The following NPIPB2 variants were observed in gnomAD, a reference collection of about 807,000 sequenced individuals.
The protein encoded by NPIPB2 is nuclear pore complex-interacting protein family member B2.
A neutral mutation model predicts 30.8 loss-of-function variants in NPIPB2; 27 were observed. The ratio of observed to expected loss-of-function variants is 0.88; its 90% CI spans 0.65 to 1.21. The LOEUF (loss-of-function observed/expected upper bound fraction) is 1.21. Ranked by LOEUF, NPIPB2 falls within the 50% of genes most tolerant of loss-of-function variation. The pLI, the probability that NPIPB2 is intolerant of heterozygous loss-of-function variation, is 0.00. For synonymous variants in NPIPB2, 147 were observed against 162.0 expected, an observed-to-expected ratio of 0.91 and a Z score of 0.70; for missense variants, 440 against 446.2, an observed-to-expected ratio of 0.99 and a Z score of 0.13.
At chr16:11,967,858 C>T (rs768823161) in intron 1 of NPIPB2, 23 of 1,610,406 alleles carry the variant, frequency 1.4e-5, no homozygotes, top group Admixed American at 3.4e-5. Context: ...TTAACCATTT[C>T]GACTCGAGCA....
chr16:11,937,883 G>A (rs1465522081), intron 1 of NPIPB2, among the ~76,000 whole-genome samples: 1 of 152,040 alleles, frequency 6.6e-6, no homozygotes, highest in Admixed American at 6.6e-5. Flanking sequence ...GCAAATGTGG[G>A]GTGTTGTCTT....
exon 1 of NPIPB2, chr16:11,941,993 T>G (rs1224006599): frequency 8.4e-7 from 1 of 1,195,618 alleles, no homozygotes; most frequent in Non-Finnish European, 1.2e-6. Flanking sequence ...CCAAGCAGAG[T>G]GCCAGGTTTT....
chr16:11,966,329 T>A (rs752937332), intron 1 of NPIPB2: 3 of 1,612,156 alleles, frequency 1.9e-6, no homozygotes, highest in Non-Finnish European at 2.5e-6. Context: ...AAAGGACGAG[T>A]TTAAAAACAC....
chr16:11,976,459 C>T, intron 1 of NPIPB2: 1 of 300,660 alleles, frequency 3.3e-6, no homozygotes, highest in Non-Finnish European at 6.1e-6. Context: ...CGCTCGCATC[C>T]CTCTCTGGGA....
At chr16:11,961,499 G>A (rs985459439) in intron 1 of NPIPB2, among the ~76,000 whole-genome samples, 6 of 152,088 alleles carry the variant, frequency 3.9e-5, no homozygotes, top group African/African-American at 1.4e-4. Flanking sequence ...ACAAAAAGAG[G>A]CCAGGCGCAG....
chr16:11,973,187 CTCTAT>C (rs2055246709), intron 1 of NPIPB2, among the ~76,000 whole-genome samples: 2 of 143,262 alleles, frequency 1.4e-5, no homozygotes, highest in Non-Finnish European at 3.0e-5. Context: ...AAAAAAAAGA[CTCTAT>C]TCTATCAGTA....
intron 1 of NPIPB2, among the ~76,000 whole-genome samples, chr16:11,956,411 C>T (rs560267453): frequency 4.9e-4 from 75 of 152,332 alleles, no homozygotes; most frequent in Middle Eastern, 3.4e-3. Context: ...AGCAGTGGCT[C>T]ACGCCTGTAA....
intron 1 of NPIPB2, among the ~76,000 whole-genome samples, chr16:11,975,485 G>A (rs2055279522): frequency 6.6e-6 from 1 of 151,980 alleles, no homozygotes; most frequent in South Asian, 2.1e-4. Context: ...CACCACTGTA[G>A]ACAGGCACCA....
chr16:11,941,026 A>G, intron 1 of NPIPB2: 2 of 785,684 alleles, frequency 2.5e-6, no homozygotes, highest in South Asian at 1.6e-5. Flanking sequence ...TGCCCTGGCT[A>G]GTCTTCAACT....
intron 1 of NPIPB2, among the ~76,000 whole-genome samples, chr16:11,972,701 C>G (rs772187554): frequency 6.6e-6 from 1 of 151,094 alleles, no homozygotes; most frequent in South Asian, 2.1e-4. Flanking sequence ...GGTGAAACCC[C>G]GTCTCTACTA....
intron 1 of NPIPB2, among the ~76,000 whole-genome samples, chr16:11,957,699 A>T (rs888789046): frequency 6.6e-6 from 1 of 152,150 alleles, no homozygotes; most frequent in African/African-American, 2.4e-5. Flanking sequence ...TTTCCTGAAA[A>T]AGAAGGAATT....
intron 1 of NPIPB2, among the ~76,000 whole-genome samples, chr16:11,949,998 C>A (rs959510394): frequency 1.3e-5 from 2 of 152,140 alleles, no homozygotes; most frequent in African/African-American, 4.8e-5. Context: ...TTCTCTGCAA[C>A]CACATAAGCC....
intron 1 of NPIPB2, among the ~76,000 whole-genome samples, chr16:11,949,558 G>C (rs1249417068): frequency 6.6e-6 from 1 of 152,208 alleles, no homozygotes; most frequent in Non-Finnish European, 1.5e-5. Flanking sequence ...ATCAGCAGCA[G>C]CTTATTCAGG....
chr16:11,976,034 G>A (rs1367896369), intron 1 of NPIPB2, among the ~76,000 whole-genome samples: 2 of 151,848 alleles, frequency 1.3e-5, no homozygotes, highest in East Asian at 1.9e-4. Flanking sequence ...GCCTGCCTCC[G>A]CCCTCCCAAG....
At chr16:11,959,549 A>G (rs1796516439) in intron 1 of NPIPB2, among the ~76,000 whole-genome samples, 1 of 152,034 alleles carries the variant, frequency 6.6e-6, no homozygotes, top group South Asian at 2.1e-4. Flanking sequence ...GTGATCACCC[A>G]ACTACCTCTA....
intron 1 of NPIPB2, among the ~76,000 whole-genome samples, chr16:11,939,196 A>G (rs1221283639): frequency 1.6e-4 from 5 of 31,966 alleles, no homozygotes; most frequent in African/African-American, 2.9e-4. Flanking sequence ...AAATCTCAGC[A>G]TAAGTAAAAA....
chr16:11,973,107 G>A (rs568182954), intron 1 of NPIPB2, among the ~76,000 whole-genome samples: 2 of 150,332 alleles, frequency 1.3e-5, no homozygotes, highest in South Asian at 2.1e-4. Context: ...CAGAAGTTGC[G>A]GTGAGCCGAG....
intron 1 of NPIPB2, chr16:11,967,836 T>C (rs754195213): frequency 9.3e-6 from 15 of 1,613,566 alleles, no homozygotes; most frequent in Non-Finnish European, 1.3e-5. Context: ...GAAATCAATT[T>C]CTGCTAGGTA....
upstream of NPIPB2, among the ~76,000 whole-genome samples, chr16:11,942,401 G>A (rs2054953182): frequency 1.3e-5 from 2 of 149,672 alleles, no homozygotes; most frequent in Admixed American, 6.8e-5. Flanking sequence ...ATCATAACAT[G>A]GCAATAAAAT....
Sources: gnomAD v4.1 joint callset for allele counts (sites outside exome capture counted in the v4.1 genomes callset) on GRCh38, gnomAD v4.1.1 for gene constraint, MANE v1.5 for transcripts, NCBI Gene and HGNC (gene_info 2026-07-23, HGNC 2026-07-21) for gene names.